Variants in PTPRD observed in about 807,000 individuals in gnomAD.
PTPRD encodes protein tyrosine phosphatase receptor type D.
In PTPRD, 34 loss-of-function variants were observed where a neutral mutation model predicts 214.5. The ratio of observed to expected loss-of-function variants is 0.16; its 90% CI spans 0.12 to 0.21. The LOEUF (loss-of-function observed/expected upper bound fraction) is 0.21. PTPRD is among the 10% of genes least tolerant of loss of function. The pLI, the probability that PTPRD is intolerant of heterozygous loss-of-function variation, is 1.00. For synonymous variants in PTPRD, 1,128 were observed against 845.7 expected (o/e 1.33, Z -5.79); for missense variants, 2,545 against 2,398.7 (o/e 1.06, Z -1.27).
intron 8 of PTPRD, among the ~76,000 whole-genome samples, chr9:9,444,188 C>CTT (rs778383134): frequency 7.2e-5 from 11 of 152,216 alleles, no homozygotes; most frequent in Admixed American, 2.0e-4. Flanking sequence ...TTTCGTGCAT[C>CTT]TACTTTTTTT....
Position 9,369,744 on chromosome 9 carries a change from G to A in PTPRD, c.-203+27705C>T, listed in dbSNP as rs374777880. 7.2e-5 allele frequency among the ~76,000 whole-genome samples: 11 copies of A among 152,132 alleles called. 1 individual carries two copies. The highest frequency in any genetic ancestry group is 1.9e-4 in the African/African-American group (8 of 41,424). On this transcript the variant is annotated intron_variant, in intron 9 of 45. Coordinates refer to ENST00000381196, the MANE Select transcript of PTPRD (RefSeq NM_002839.4). ...TCTTCTAGGATTTTTATGGTTTTAG[G>A]TCTAACACATAAGTCTTTAATCCAT...
At chr9:10,135,600 C>T (rs2098936936) in intron 3 of PTPRD, among the ~76,000 whole-genome samples, 1 of 152,038 alleles carries the variant, frequency 6.6e-6, no homozygotes, top group Non-Finnish European at 1.5e-5. Context: ...AGCAAAATTT[C>T]AACCAAGAAT....
chr9:10,150,744 C>T, intron 3 of PTPRD, among the ~76,000 whole-genome samples: 1 of 151,158 alleles, frequency 6.6e-6, no homozygotes, highest in East Asian at 1.9e-4. Context: ...AATCCTGATA[C>T]ATCAGTGGCA....
chr9:10,528,568 T>A (rs1056801954), intron 2 of PTPRD, among the ~76,000 whole-genome samples: 23 of 152,298 alleles, frequency 1.5e-4, no homozygotes, highest in Non-Finnish European at 2.6e-4. Context: ...ATCATATGTA[T>A]ACTCAGGGCC....
intron 2 of PTPRD, among the ~76,000 whole-genome samples, chr9:10,364,450 T>C (rs1407005983): frequency 6.6e-6 from 1 of 152,168 alleles, no homozygotes; most frequent in Non-Finnish European, 1.5e-5. Context: ...ATACAATCTA[T>C]GCACGTAACA....
chr9:9,934,142 G>T (rs2088092872), intron 5 of PTPRD, among the ~76,000 whole-genome samples: 1 of 149,058 alleles, frequency 6.7e-6, no homozygotes, highest in Admixed American at 6.6e-5. Flanking sequence ...ATCCAAAATT[G>T]ACACCCTAAC....
intron 10 of PTPRD, among the ~76,000 whole-genome samples, chr9:9,033,871 A>T (rs2099613428): frequency 6.6e-6 from 1 of 152,114 alleles, no homozygotes; most frequent in Non-Finnish European, 1.5e-5. Context: ...CCTCTGGTAT[A>T]ACAATTCTCC....
At chr9:8,812,708 C>A (rs893550725) in intron 11 of PTPRD, among the ~76,000 whole-genome samples, 22 of 151,598 alleles carry the variant, frequency 1.5e-4, no homozygotes, top group African/African-American at 4.6e-4. Flanking sequence ...ACAAACCTTA[C>A]AAACTCTGGA....
Position 9,066,590 on chromosome 9 carries a change from G to A in PTPRD, c.-142-47855C>T, listed in dbSNP as rs146271818. 3.7e-3 allele frequency among the ~76,000 whole-genome samples: 557 copies of A among 152,242 alleles called. 5 individuals are homozygous for A. The highest frequency in any genetic ancestry group is 0.013 in the African/African-American group (522 of 41,550). ...AGTTTTGCAGATGTGACTAAATTAA[G>A]GAACTTGAGAGGGGGGAGATTATTC... is the stretch of plus-strand genomic sequence containing the variant. On this transcript the variant is annotated intron_variant, in intron 10 of 45. Transcript: ENST00000381196.
rs142036095 is a variant in PTPRD, at chr9:9,276,685, C to T, written c.-202-93322G>A. ...CATGTACCTCTTTCTCCACTTGGCTCTCATGGAGCAGAAGTTTCTGAGAAA... is the reference window on the plus strand; with the variant it reads ...CATGTACCTCTTTCTCCACTTGGCTTTCATGGAGCAGAAGTTTCTGAGAAA... On this transcript the variant is annotated intron_variant, in intron 9 of 45. Coordinates refer to ENST00000381196, the MANE Select transcript of PTPRD (RefSeq NM_002839.4). Among the ~76,000 whole-genome samples the T allele has an allele frequency of 1.8e-4, 28 of 151,414 alleles. No homozygotes were observed. In the East Asian group the frequency reaches 5.5e-3, roughly 30 times the overall value.
intron 3 of PTPRD, among the ~76,000 whole-genome samples, chr9:10,195,656 C>T (rs957568624): frequency 6.6e-6 from 1 of 151,998 alleles, no homozygotes; most frequent in African/African-American, 2.4e-5. Context: ...TTCTTACCTG[C>T]ACCAAAAATA....
chr9:9,485,413 A>G (rs960922520), intron 8 of PTPRD, among the ~76,000 whole-genome samples: 1 of 152,182 alleles, frequency 6.6e-6, no homozygotes, highest in Admixed American at 6.5e-5. Context: ...TGAATATAGC[A>G]CCTCTACTTA....
At chr9:10,175,246 T>C (rs1376794451) in intron 3 of PTPRD, among the ~76,000 whole-genome samples, 1 of 152,000 alleles carries the variant, frequency 6.6e-6, no homozygotes, top group Non-Finnish European at 1.5e-5. Context: ...TTTCAGTCTC[T>C]TCCCTTGAAA....
chr9:8,911,440 TGA>T lies in PTPRD; in HGVS notation c.-104+107255_-104+107256del, dbSNP rs35690626. Among the ~76,000 whole-genome samples, 120 of 149,014 alleles carry T rather than the reference TGA, an allele frequency of 8.1e-4. 1 individual carries two copies. The highest frequency in any genetic ancestry group is 1.8e-3 in the African/African-American group (74 of 40,442). ...TTGTGTGTGTGTGTGTGTGTGTGTGTGAGAGAGAGAGAGAGACAAAGAGAGAA... is the reference window on the plus strand; with the variant it reads ...TTGTGTGTGTGTGTGTGTGTGTGTGTGAGAGAGAGAGAGACAAAGAGAGAA... On this transcript the variant is annotated intron_variant, in intron 11 of 45. Coordinates refer to ENST00000381196, the MANE Select transcript of PTPRD (RefSeq NM_002839.4).
chr9:8,489,838 T>C (rs2097113079), intron 27 of PTPRD, among the ~76,000 whole-genome samples: 1 of 152,134 alleles, frequency 6.6e-6, no homozygotes, highest in African/African-American at 2.4e-5. Flanking sequence ...CCAGAAACAC[T>C]ATAGGTATCA....
intron 5 of PTPRD, among the ~76,000 whole-genome samples, chr9:9,771,064 A>G (rs531551426): frequency 2.0e-5 from 3 of 152,286 alleles, no homozygotes; most frequent in South Asian, 2.1e-4. Context: ...CAGAATCACT[A>G]TTTTACTCCA....
At chr9:8,737,296 G>A (rs184569285) in intron 11 of PTPRD, among the ~76,000 whole-genome samples, 148 of 152,244 alleles carry the variant, frequency 9.7e-4, no homozygotes, top group Non-Finnish European at 1.8e-3. Flanking sequence ...AAGATGAAAC[G>A]TATTCTAAAT....
intron 35 of PTPRD, among the ~76,000 whole-genome samples, chr9:8,405,909 G>T (rs1243768068): frequency 2.0e-5 from 3 of 152,114 alleles, no homozygotes; most frequent in Non-Finnish European, 4.4e-5. Context: ...AAAAGGCACA[G>T]AATTTATCAC....
chr9:8,775,775 G>A (rs1212011297), intron 11 of PTPRD, among the ~76,000 whole-genome samples: 1 of 151,734 alleles, frequency 6.6e-6, no homozygotes, highest in African/African-American at 2.4e-5. Flanking sequence ...CTTGAGCTCA[G>A]GAGTTCAAGA....
Sources: allele counts gnomAD v4.1 joint callset (sites outside exome capture counted in the v4.1 genomes callset), GRCh38; gene constraint gnomAD v4.1.1; transcripts MANE v1.5; gene names NCBI Gene and HGNC (gene_info 2026-07-23, HGNC 2026-07-21).